Variants in MRPL13 observed in about 807,000 individuals in gnomAD.
The protein encoded by MRPL13 is mitochondrial ribosomal protein L13.
In MRPL13, 33 loss-of-function variants were observed where a neutral mutation model predicts 29.0. That is an observed-to-expected ratio of 1.14 (90% CI 0.86 to 1.52). The LOEUF (loss-of-function observed/expected upper bound fraction) is 1.52, where lower values mean the gene tolerates loss of function less well. MRPL13 is among the 40% of genes most tolerant of loss of function. MRPL13 has a pLI of 0.00. For missense variants in MRPL13, 227 were observed against 216.7 expected (o/e 1.05, Z -0.30); for synonymous variants, 77 against 68.4 (o/e 1.13, Z -0.62).
In MRPL13 at chr8:120,445,147, A is replaced by AC; in HGVS notation, c.-54dup. 6.2e-7 allele frequency: 1 copy of AC among 1,610,034 alleles called. No individual in the cohort carries two copies. Among genetic ancestry groups the AC allele is most frequent in the Non-Finnish European group, 8.5e-7 (1 of 1,176,492 alleles). On this transcript the variant is annotated 5_prime_UTR_variant, in exon 1 of 7. Coordinates refer to ENST00000306185, the MANE Select transcript of MRPL13 (RefSeq NM_014078.6). ...CTTCTCCTAGTAGCCACGCCGGGTC[A>AC]CTCAGCCTTACTGGCCCGGCGGGAA...
At chr8:120,411,566 T>G (rs1045525236) in intron 6 of MRPL13, among the ~76,000 whole-genome samples, 11 of 152,230 alleles carry the variant, frequency 7.2e-5, no homozygotes, top group African/African-American at 2.4e-4. Flanking sequence ...TGATTTATAT[T>G]AAATGACTAG....
intron 5 of MRPL13, among the ~76,000 whole-genome samples, chr8:120,418,122 T>A (rs1162215318): frequency 6.6e-6 from 1 of 152,122 alleles, no homozygotes; most frequent in Non-Finnish European, 1.5e-5. Flanking sequence ...CATACATAGG[T>A]ATATATGCAT....
intron 2 of MRPL13, among the ~76,000 whole-genome samples, chr8:120,442,683 C>T (rs181145933): frequency 2.1e-4 from 32 of 152,062 alleles, no homozygotes; most frequent in East Asian, 1.4e-3. Flanking sequence ...TCTTCTAGAA[C>T]GAAAACAACT....
intron 2 of MRPL13, among the ~76,000 whole-genome samples, chr8:120,442,179 G>T (rs1362614757): frequency 6.6e-6 from 1 of 152,106 alleles, no homozygotes; most frequent in Non-Finnish European, 1.5e-5. Flanking sequence ...ATTTCTACCA[G>T]AATAGTCAAA....
At chr8:120,403,485 T>C (rs1321215765) in intron 6 of MRPL13, among the ~76,000 whole-genome samples, 1 of 151,708 alleles carries the variant, frequency 6.6e-6, no homozygotes, top group East Asian at 1.9e-4. Context: ...CAATGCAGCC[T>C]GTTAGGAGGG....
rs184659707 is a variant in MRPL13 at position 120,440,982 on chromosome 8, T to G, written c.151+2203A>C. On this transcript the variant is annotated intron_variant, in intron 2 of 6. Coordinates refer to ENST00000306185, the MANE Select transcript of MRPL13 (RefSeq NM_014078.6). ...GACGTGCCAGAGTTCAGATATACTT[T>G]TTTCTAATATATTTTTAAATATGTG... Among the ~76,000 whole-genome samples the G allele has an allele frequency of 3.5e-3, 531 of 152,064 alleles. 1 individual carries two copies. Among genetic ancestry groups the G allele is most frequent in the Middle Eastern group, 6.8e-3 (2 of 294 alleles).
chr8:120,443,330 A>AG, intron 1 of MRPL13, 22 bp from the exon 2 acceptor site: 1 of 1,545,502 alleles, frequency 6.5e-7, no homozygotes. Flanking sequence ...AAAAAAAAAA[A>AG]AAGAAGAGGA....
intron 2 of MRPL13, among the ~76,000 whole-genome samples, chr8:120,435,551 G>T (rs1464851534): frequency 2.0e-5 from 3 of 152,090 alleles, no homozygotes; most frequent in Non-Finnish European, 4.4e-5. Context: ...ATTTTTTAAT[G>T]GCTCTACAGT....
At chr8:120,403,529 A>C (rs116318319) in intron 6 of MRPL13, among the ~76,000 whole-genome samples, 53 of 152,222 alleles carry the variant, frequency 3.5e-4, no homozygotes, top group African/African-American at 1.2e-3. Flanking sequence ...AAGAATAGCG[A>C]ATGGATGCTG....
intron 4 of MRPL13, among the ~76,000 whole-genome samples, chr8:120,420,400 A>G (rs916045277): frequency 1.3e-5 from 2 of 149,622 alleles, no homozygotes; most frequent in South Asian, 2.1e-4. Context: ...TCTATTTTCT[A>G]TTAGTGTTAA....
chr8:120,405,016 G>C (rs1055515453), intron 6 of MRPL13, among the ~76,000 whole-genome samples: 6 of 152,150 alleles, frequency 3.9e-5, no homozygotes, highest in Non-Finnish European at 7.3e-5. Flanking sequence ...CCTTGAAAAT[G>C]CCACTTCATG....
intron 5 of MRPL13, 199 bp downstream of exon 5, chr8:120,419,653 A>G (rs1812845057): frequency 2.8e-6 from 1 of 351,474 alleles, no homozygotes; most frequent in African/African-American, 2.1e-5. Flanking sequence ...TTTTAGTCCA[A>G]TGATGGTTCA....
intron 2 of MRPL13, 32 bp from the exon 3 acceptor site, chr8:120,432,155 GA>G: frequency 6.7e-7 from 1 of 1,503,416 alleles, no homozygotes; most frequent in South Asian, 1.3e-5. Context: ...GATTTTGTAA[GA>G]AAAATAAAAA....
chr8:120,416,125 G>C (rs1812799417), intron 5 of MRPL13: 1 of 152,138 alleles, frequency 6.6e-6, no homozygotes, highest in Non-Finnish European at 1.5e-5. Context: ...CCAGGAAGAG[G>C]GAGAAGTACC....
chr8:120,435,443 A>G (rs1309192276), intron 2 of MRPL13, among the ~76,000 whole-genome samples: 1 of 152,062 alleles, frequency 6.6e-6, no homozygotes, highest in African/African-American at 2.4e-5. Context: ...CCCACTTATA[A>G]GTGAGAACAT....
intron 3 of MRPL13, among the ~76,000 whole-genome samples, chr8:120,427,501 C>T (rs1416677399): frequency 6.6e-6 from 1 of 152,042 alleles, no homozygotes; most frequent in Non-Finnish European, 1.5e-5. Context: ...AAATCACTAG[C>T]AAAAAGTCAC....
At chr8:120,413,842 A>G in intron 6 of MRPL13, 149 bp downstream of exon 6, 1 of 1,013,988 alleles carries the variant, frequency 9.9e-7, no homozygotes, top group Non-Finnish European at 1.3e-6. Context: ...CTACATCTAG[A>G]GTTTATTTGT....
chr8:120,430,253 C>T (rs1315989717), intron 3 of MRPL13, among the ~76,000 whole-genome samples: 4 of 152,094 alleles, frequency 2.6e-5, no homozygotes, highest in African/African-American at 9.7e-5. Flanking sequence ...CAGAGCAAGA[C>T]TTCATCTCAA....
intron 6 of MRPL13, among the ~76,000 whole-genome samples, chr8:120,406,915 A>G (rs777462310): frequency 6.6e-6 from 1 of 152,226 alleles, no homozygotes; most frequent in Non-Finnish European, 1.5e-5. Flanking sequence ...TTTCGAAAAT[A>G]GTATTACATT....
Sources: gnomAD v4.1 joint callset for allele counts (sites outside exome capture counted in the v4.1 genomes callset) on GRCh38, gnomAD v4.1.1 for gene constraint, MANE v1.5 for transcripts, NCBI Gene and HGNC (gene_info 2026-07-23, HGNC 2026-07-21) for gene names.